The following NELL1 variants were observed in gnomAD, a reference collection of about 807,000 sequenced individuals.
NELL1 encodes protein kinase C-binding protein NELL1.
In NELL1, 76 loss-of-function variants were observed where a neutral mutation model predicts 107.4. The ratio of observed to expected loss-of-function variants is 0.71; its 90% CI spans 0.59 to 0.86. The LOEUF (loss-of-function observed/expected upper bound fraction) is 0.86, where lower values mean the gene tolerates loss of function less well. Ranked by LOEUF, NELL1 falls within the 40% of genes least tolerant of loss-of-function variation. The probability of loss-of-function intolerance (pLI) is 0.00; values close to 1 mark genes in which losing one functional copy is unlikely to be tolerated. For synonymous variants in NELL1, 353 were observed against 341.2 expected (o/e 1.03, Z -0.38); for missense variants, 1,024 against 1,005.5 (o/e 1.02, Z -0.25).
chr11:20,826,463 C>T (rs1276535204), intron 3 of NELL1, among the ~76,000 whole-genome samples: 1 of 151,264 alleles, frequency 6.6e-6, no homozygotes, highest in Non-Finnish European at 1.5e-5. Context: ...GACCTTTATT[C>T]TAGATGGCCG....
Position 20,669,662 on chromosome 11 carries a change from C to T in NELL1, c.-62C>T, listed in dbSNP as rs1336957410. ...CTCCAAGCCAGGCGCGCCTCAGGAT[C>T]CAGGCTCATTTGCTTCCACCTAGCT... On this transcript the variant is annotated 5_prime_UTR_variant, in exon 1 of 20. Transcript: ENST00000357134. The surrounding 1 kb of genome is among the most constrained non-coding windows in gnomAD (Gnocchi z 4.4). 33 of 1,444,678 alleles carry T rather than the reference C, an allele frequency of 2.3e-5. No individual in the cohort carries two copies. The highest frequency in any genetic ancestry group is 3.2e-5 in the Non-Finnish European group (33 of 1,027,744). 89.5% of individuals were successfully genotyped at this position (1,444,678 alleles called of 1,614,324 possible). A position where few individuals can be genotyped will look rare whatever the true frequency, so the allele number is the denominator to read the frequency against.
At chr11:20,749,306 A>T (rs1879142) in intron 2 of NELL1, among the ~76,000 whole-genome samples, 204 of 152,268 alleles carry the variant, frequency 1.3e-3, no homozygotes, top group Non-Finnish European at 2.1e-3. Flanking sequence ...CTCTTTTAAA[A>T]ATTAAGGTAT....
intron 14 of NELL1, among the ~76,000 whole-genome samples, chr11:21,334,699 C>T (rs1850348396): frequency 6.6e-6 from 1 of 151,916 alleles, no homozygotes; most frequent in South Asian, 2.1e-4. Flanking sequence ...TTTGTGTCTT[C>T]TGAGAATTTT....
intron 2 of NELL1, among the ~76,000 whole-genome samples, chr11:20,783,307 A>G (rs1243682708): frequency 6.6e-6 from 1 of 152,168 alleles, no homozygotes; most frequent in Non-Finnish European, 1.5e-5. Flanking sequence ...ATTTACAGCA[A>G]CCTAATCTGT....
At chr11:21,145,158 C>G (rs550992222) in intron 13 of NELL1, among the ~76,000 whole-genome samples, 1 of 152,104 alleles carries the variant, frequency 6.6e-6, no homozygotes, top group Non-Finnish European at 1.5e-5. Flanking sequence ...TTCTTGTGTG[C>G]CAAGCACACA....
chr11:20,765,834 C>G (rs1856518279), intron 2 of NELL1, among the ~76,000 whole-genome samples: 2 of 152,126 alleles, frequency 1.3e-5, no homozygotes, highest in Non-Finnish European at 2.9e-5. Flanking sequence ...AAAAAACACA[C>G]AACATAAAAT....
intron 4 of NELL1, among the ~76,000 whole-genome samples, chr11:20,875,465 A>T (rs1849286436): frequency 6.6e-6 from 1 of 152,176 alleles, no homozygotes; most frequent in African/African-American, 2.4e-5. Flanking sequence ...GCTACTTGGG[A>T]GGCTGAGGTG....
chr11:20,780,460 C>A (rs899840165), intron 2 of NELL1, among the ~76,000 whole-genome samples: 1 of 152,018 alleles, frequency 6.6e-6, no homozygotes, highest in African/African-American at 2.4e-5. Flanking sequence ...TTCAGTAAAC[C>A]TTTATTGGAT....
intron 13 of NELL1, among the ~76,000 whole-genome samples, chr11:21,213,336 A>G (rs1353865953): frequency 2.6e-5 from 4 of 152,190 alleles, no homozygotes; most frequent in African/African-American, 9.6e-5. Flanking sequence ...TAATTCCTAA[A>G]AAAATTCCAA....
chr11:20,908,696 TA>T (rs1339302340), intron 5 of NELL1, among the ~76,000 whole-genome samples: 5 of 152,078 alleles, frequency 3.3e-5, no homozygotes, highest in Non-Finnish European at 5.9e-5. Flanking sequence ...AAATAAAATT[TA>T]AAGTAAAAAT....
chr11:21,102,186 A>G (rs1313109499), intron 12 of NELL1, among the ~76,000 whole-genome samples: 1 of 152,166 alleles, frequency 6.6e-6, no homozygotes, highest in African/African-American at 2.4e-5. Flanking sequence ...TTTGTTAAAA[A>G]ATTATTGCTT....
At chr11:21,453,223 A>G (rs955319127) in intron 15 of NELL1, among the ~76,000 whole-genome samples, 6 of 152,114 alleles carry the variant, frequency 3.9e-5, no homozygotes, top group African/African-American at 1.4e-4. Flanking sequence ...ATATCCTACT[A>G]TAATTGTAGA....
chr11:21,552,924 C>T (rs1336207533), intron 16 of NELL1, among the ~76,000 whole-genome samples: 1 of 151,744 alleles, frequency 6.6e-6, no homozygotes, highest in Non-Finnish European at 1.5e-5. Flanking sequence ...TTTGGAACTA[C>T]AATACACAGG....
intron 2 of NELL1, among the ~76,000 whole-genome samples, chr11:20,706,634 AC>A (rs1433378512): frequency 6.6e-6 from 1 of 152,032 alleles, no homozygotes; most frequent in African/African-American, 2.4e-5. Context: ...ACAAACCTGC[AC>A]GTTGTGCACA....
At chr11:20,879,885 A>G (rs1254549507) in intron 4 of NELL1, among the ~76,000 whole-genome samples, 1 of 152,200 alleles carries the variant, frequency 6.6e-6, no homozygotes, top group Admixed American at 6.5e-5. Context: ...AAACAACAAT[A>G]ATAAAAATAC....
At chr11:21,400,644 C>G (rs949658735) in intron 15 of NELL1, among the ~76,000 whole-genome samples, 2 of 151,930 alleles carry the variant, frequency 1.3e-5, no homozygotes, top group African/African-American at 4.8e-5. Flanking sequence ...ACTTTCATTT[C>G]TGCTCTGCCC....
At chr11:21,134,589 A>G (rs918317880) in intron 13 of NELL1, among the ~76,000 whole-genome samples, 3 of 152,186 alleles carry the variant, frequency 2.0e-5, no homozygotes, top group Non-Finnish European at 2.9e-5. Context: ...TTTTTAATTT[A>G]CTGTGCTTCA....
chr11:21,318,131 A>G (rs1849921956), intron 14 of NELL1, among the ~76,000 whole-genome samples: 1 of 152,164 alleles, frequency 6.6e-6, no homozygotes, highest in Non-Finnish European at 1.5e-5. Context: ...TACAGCCTAT[A>G]AGGATATTAA....
chr11:21,484,404 T>C (rs1296429218), intron 15 of NELL1, among the ~76,000 whole-genome samples: 1 of 151,998 alleles, frequency 6.6e-6, no homozygotes, highest in Non-Finnish European at 1.5e-5. Context: ...CATTGCTTTA[T>C]GGTGCTCAAC....
Sources: allele counts gnomAD v4.1 joint callset (sites outside exome capture counted in the v4.1 genomes callset), GRCh38; gene constraint gnomAD v4.1.1; non-coding constraint Gnocchi (gnomAD v3.1); transcripts MANE v1.5; gene names NCBI Gene and HGNC (gene_info 2026-07-23, HGNC 2026-07-21).